Variants in PCCA observed in about 807,000 individuals in gnomAD.
The protein encoded by PCCA is propionyl-CoA carboxylase subunit alpha.
PCCA carries 74 observed loss-of-function variants against 101.3 expected under a neutral mutation model. The ratio of observed to expected loss-of-function variants is 0.73; its 90% CI spans 0.61 to 0.89. The LOEUF (loss-of-function observed/expected upper bound fraction) is 0.89, where lower values mean the gene tolerates loss of function less well. PCCA is among the 40% of genes least tolerant of loss of function. The probability of loss-of-function intolerance (pLI) is 0.00; values close to 1 mark genes in which losing one functional copy is unlikely to be tolerated. For synonymous variants in PCCA, 294 were observed against 313.6 expected (o/e 0.94, Z 0.66); for missense variants, 891 against 907.0 (o/e 0.98, Z 0.23).
chr13:100,294,439 T>C (rs2065364972), intron 12 of PCCA, among the ~76,000 whole-genome samples: 1 of 152,138 alleles, frequency 6.6e-6, no homozygotes, highest in Non-Finnish European at 1.5e-5. Flanking sequence ...TGTTCCGTTT[T>C]CGTGGTCACT....
At chr13:100,089,751 G>A (rs1227204107) in intron 1 of PCCA, among the ~76,000 whole-genome samples, 1 of 152,224 alleles carries the variant, frequency 6.6e-6, no homozygotes, top group Non-Finnish European at 1.5e-5. Flanking sequence ...TCATTTGAAA[G>A]CCTGTTTTAA....
intron 12 of PCCA, among the ~76,000 whole-genome samples, chr13:100,290,849 T>C (rs917918756): frequency 2.6e-5 from 4 of 152,220 alleles, no homozygotes; most frequent in Admixed American, 2.6e-4. Context: ...CAACAGTGGT[T>C]ATCCTCTCCT....
intron 19 of PCCA, among the ~76,000 whole-genome samples, chr13:100,418,661 C>T (rs1427303033): frequency 1.3e-5 from 2 of 151,826 alleles, no homozygotes; most frequent in Admixed American, 1.3e-4. Context: ...GGTGAAACCC[C>T]GTCTCTACTA....
At chr13:100,262,615 T>G in intron 9 of PCCA, 114 bp from the exon 10 acceptor site, 1 of 701,096 alleles carries the variant, frequency 1.4e-6, no homozygotes, top group South Asian at 1.6e-5. Context: ...GATTGTGTTT[T>G]CTTTTATAAT....
intron 6 of PCCA, among the ~76,000 whole-genome samples, chr13:100,203,068 C>T (rs752866729): frequency 4.6e-5 from 7 of 151,640 alleles, no homozygotes; most frequent in African/African-American, 9.7e-5. Flanking sequence ...ATCAGGAGTT[C>T]GATACCAGCT....
At chr13:100,188,271 G>A (rs1479966413) in intron 6 of PCCA, among the ~76,000 whole-genome samples, 9 of 140,388 alleles carry the variant, frequency 6.4e-5, no homozygotes, top group African/African-American at 2.3e-4. Flanking sequence ...CCAGCCTGGC[G>A]ACAGAGCAAG....
chr13:100,401,838 G>A lies in PCCA; in HGVS notation c.1747-23795G>A, dbSNP rs374212643. Among the ~76,000 whole-genome samples the A allele has an allele frequency of 1.1e-3, 166 of 152,318 alleles. 6 individuals are homozygous for A. The South Asian group carries it at 0.031, about 29-fold the overall frequency. On this transcript the variant is annotated intron_variant, in intron 19 of 23. Transcript: ENST00000376285. ...ATAGAATAGTCTTACTTTGTTTGCA[G>A]AATTAGAAGGATTTATCTAACAACT... is the stretch of plus-strand genomic sequence containing the variant.
At chr13:100,488,195 G>A (rs752956730) in intron 21 of PCCA, among the ~76,000 whole-genome samples, 12 of 152,216 alleles carry the variant, frequency 7.9e-5, no homozygotes, top group Non-Finnish European at 1.6e-4. Context: ...CCAGGTTCAA[G>A]TGATTCTCAT....
chr13:100,470,849 ACT>A (rs2082955228), intron 21 of PCCA, among the ~76,000 whole-genome samples: 1 of 151,940 alleles, frequency 6.6e-6, no homozygotes, highest in Non-Finnish European at 1.5e-5. Context: ...ACAGAGTGAG[ACT>A]CTGTCTCAAA....
intron 4 of PCCA, among the ~76,000 whole-genome samples, chr13:100,119,592 A>G (rs532550205): frequency 6.6e-6 from 1 of 152,296 alleles, no homozygotes; most frequent in East Asian, 1.9e-4. Flanking sequence ...TCTAATATCT[A>G]GAGACATTTT....
At chr13:100,247,889 AG>A (rs2061539445) in intron 8 of PCCA, among the ~76,000 whole-genome samples, 1 of 152,112 alleles carries the variant, frequency 6.6e-6, no homozygotes, top group Non-Finnish European at 1.5e-5. Flanking sequence ...CTTGCTCGTT[AG>A]GTTTTGTCCC....
intron 9 of PCCA, among the ~76,000 whole-genome samples, chr13:100,258,628 C>A (rs1594966388): frequency 1.3e-5 from 2 of 152,134 alleles, no homozygotes; most frequent in Non-Finnish European, 2.9e-5. Context: ...TAGTAACTTA[C>A]TCTTTTATGG....
chr13:100,158,107 C>T (rs2054062696), intron 6 of PCCA, among the ~76,000 whole-genome samples: 1 of 152,132 alleles, frequency 6.6e-6, no homozygotes, highest in Admixed American at 6.5e-5. Context: ...TGTGTTATAG[C>T]CTATTGCTCC....
At chr13:100,287,478 AATAAG>A (rs2064769691) in intron 12 of PCCA, among the ~76,000 whole-genome samples, 2 of 152,104 alleles carry the variant, frequency 1.3e-5, no homozygotes. Context: ...ATATGTTCTT[AATAAG>A]AAAAATGGTT....
chr13:100,443,467 A>G (rs888040603), intron 20 of PCCA, among the ~76,000 whole-genome samples: 3 of 151,980 alleles, frequency 2.0e-5, no homozygotes, highest in Admixed American at 6.6e-5. Flanking sequence ...AAAAAAATCA[A>G]TAATGTTTCA....
intron 21 of PCCA, among the ~76,000 whole-genome samples, chr13:100,461,356 A>C (rs1194631362): frequency 6.6e-6 from 1 of 152,250 alleles, no homozygotes. Flanking sequence ...TCTGCTTCTG[A>C]AAATTCACTT....
intron 4 of PCCA, among the ~76,000 whole-genome samples, chr13:100,118,352 A>G (rs571900885): frequency 3.3e-5 from 5 of 152,130 alleles, no homozygotes; most frequent in African/African-American, 9.6e-5. Context: ...CCACAGTTCA[A>G]TCAAGGTTCA....
At chr13:100,318,521 C>T (rs1447034768) in intron 16 of PCCA, among the ~76,000 whole-genome samples, 1 of 140,052 alleles carries the variant, frequency 7.1e-6, no homozygotes, top group African/African-American at 2.6e-5. Context: ...GTGATGTTCC[C>T]CTTCCTGTGT....
At chr13:100,207,846 C>G (rs1466095130) in intron 6 of PCCA, among the ~76,000 whole-genome samples, 1 of 151,598 alleles carries the variant, frequency 6.6e-6, no homozygotes, top group Non-Finnish European at 1.5e-5. Flanking sequence ...GGTGAAACCC[C>G]ATCTCTACTA....
Sources: allele counts gnomAD v4.1 joint callset (sites outside exome capture counted in the v4.1 genomes callset), GRCh38; gene constraint gnomAD v4.1.1; transcripts MANE v1.5; gene names NCBI Gene and HGNC (gene_info 2026-07-23, HGNC 2026-07-21).